RASGRP3: variants seen among roughly 807,000 people sequenced by gnomAD.
RASGRP3 encodes RAS guanyl releasing protein 3, also known as ras guanyl-releasing protein 3.
Under a neutral mutation model 82.7 loss-of-function variants are expected in RASGRP3, and 54 were observed. The observed-to-expected ratio is 0.65, with a 90% CI of 0.52 to 0.82. The LOEUF is 0.82. RASGRP3 is among the 40% of genes least tolerant of loss of function. The pLI is 0.00. For missense variants in RASGRP3, 861 were observed against 828.9 expected (o/e 1.04, Z -0.48); for synonymous variants, 309 against 300.5 (o/e 1.03, Z -0.29).
At chr2:33,532,296 C>T (rs1440004643) in intron 10 of RASGRP3, 2 of 152,240 alleles carry the variant, frequency 1.3e-5, no homozygotes, top group Non-Finnish European at 2.9e-5. Flanking sequence ...CAAGGTCCAA[C>T]GTTAGGCTGA....
In RASGRP3 at chr2:33,539,377, A is replaced by T. The variant is rs924212817; in HGVS notation, c.1278+167A>T. 1.6e-5 allele frequency: 9 copies of T among 570,912 alleles called. No individual in the cohort carries two copies. The African/African-American group carries it at 1.7e-4, about 11-fold the overall frequency. The allele number at this position is 570,912 out of a possible 1,614,324, so 35.4% of individuals were successfully genotyped here. Reference sequence around the variant, plus strand: ...CTACCAGGCATTGGGTCCTGGGGAGAGTCGATCAGAAAGGCCCTTTTCCCT... The same window carrying T: ...CTACCAGGCATTGGGTCCTGGGGAGTGTCGATCAGAAAGGCCCTTTTCCCT... On this transcript the variant is annotated intron_variant, in intron 12 of 17. Coordinates refer to ENST00000403687, the MANE Select transcript of RASGRP3 (RefSeq NM_001139488.2).
At position 33,522,017 on chromosome 2, in the gene RASGRP3, C is replaced by G; in HGVS notation, c.431C>G (p.Ala144Gly). 1 of 1,613,860 alleles carries G rather than the reference C, an allele frequency of 6.2e-7. No individual in the cohort carries two copies. The highest frequency in any genetic ancestry group is 8.5e-7 in the Non-Finnish European group (1 of 1,179,824). Residue 144 changes from alanine to glycine, a missense_variant, in exon 7 of 18, where the codon GCC (alanine) becomes GGC (glycine). Transcript: ENST00000403687. ...AAAAAAGTATCCAAGAAGGGAAAAG[C>G]CTGTCTGCTGTTTGACCATCTGGAG... ...QRKKVSKKGK[A>G]CLLFDHLEPI...
At chr2:33,463,676 GCAAC>G (rs1189211339) in intron 2 of RASGRP3, among the ~76,000 whole-genome samples, 1 of 142,736 alleles carries the variant, frequency 7.0e-6, no homozygotes, top group Non-Finnish European at 1.5e-5. Context: ...TTGGCTCACT[GCAAC>G]CTCTGCCTCC....
At chr2:33,531,357 G>C (rs1178139065) in intron 10 of RASGRP3, among the ~76,000 whole-genome samples, 1 of 152,236 alleles carries the variant, frequency 6.6e-6, no homozygotes, top group East Asian at 1.9e-4. Context: ...GCAGAAAGTA[G>C]AACAGATCAC....
intron 13 of RASGRP3, 46 bp from the exon 14 acceptor site, chr2:33,549,558 A>G (rs771139774): frequency 6.4e-7 from 1 of 1,567,418 alleles, no homozygotes; most frequent in African/African-American, 1.3e-5. Context: ...ACTACTTAGC[A>G]ACCTGTTATT....
chr2:33,457,956 T>G (rs534032543), intron 2 of RASGRP3: 1 of 152,334 alleles, frequency 6.6e-6, no homozygotes, highest in East Asian at 1.9e-4. Flanking sequence ...GCAATTTATA[T>G]TTTCACCTGG....
chr2:33,546,799 G>T (rs1440766254), intron 13 of RASGRP3, among the ~76,000 whole-genome samples: 1 of 152,110 alleles, frequency 6.6e-6, no homozygotes, highest in Non-Finnish European at 1.5e-5. Flanking sequence ...CAGGCACGGT[G>T]GCTCATGCCT....
intron 2 of RASGRP3, among the ~76,000 whole-genome samples, chr2:33,449,857 A>T (rs1428762418): frequency 6.6e-6 from 1 of 152,228 alleles, no homozygotes; most frequent in Non-Finnish European, 1.5e-5. Context: ...CATTTTAGTA[A>T]AGATAAGAAA....
intron 13 of RASGRP3, among the ~76,000 whole-genome samples, chr2:33,548,377 A>G (rs1157843355): frequency 6.7e-6 from 1 of 149,508 alleles, no homozygotes; most frequent in Admixed American, 6.6e-5. Context: ...AAAAAAAAAA[A>G]AAAAAAGAAG....
intron 1 of RASGRP3, among the ~76,000 whole-genome samples, chr2:33,507,753 T>C (rs1670528888): frequency 6.6e-6 from 1 of 152,128 alleles, no homozygotes; most frequent in Non-Finnish European, 1.5e-5. Flanking sequence ...CTCGAACTCC[T>C]GACCTCAAGT....
chr2:33,443,138 T>C (rs1341904639), intron 1 of RASGRP3, among the ~76,000 whole-genome samples: 1 of 152,218 alleles, frequency 6.6e-6, no homozygotes, highest in East Asian at 1.9e-4. Context: ...ATCTTAAAAG[T>C]GTTTCTTTCT....
intron 9 of RASGRP3, among the ~76,000 whole-genome samples, chr2:33,526,125 C>G (rs751154298): frequency 2.0e-4 from 31 of 152,182 alleles, no homozygotes; most frequent in Non-Finnish European, 4.3e-4. Flanking sequence ...CATCCCTGGA[C>G]CAATAACAGT....
At chr2:33,500,378 A>G (rs184115795) in intron 1 of RASGRP3, among the ~76,000 whole-genome samples, 1 of 152,284 alleles carries the variant, frequency 6.6e-6, no homozygotes, top group African/African-American at 2.4e-5. Flanking sequence ...CTGAGAACCA[A>G]TATAGAAGTC....
At position 33,440,205 on chromosome 2, in the gene RASGRP3, G is replaced by A. The variant is rs572418888; in HGVS notation, c.-385+3614G>A. 7.2e-5 allele frequency among the ~76,000 whole-genome samples: 11 copies of A among 152,298 alleles called. No homozygotes were observed. The South Asian group carries it at 2.3e-3, about 32-fold the overall frequency. ...CAGCTGAGAATGGAAAACAGCTTAG[G>A]AGGGAGGTGAGAACTGGAAATAAAA... On this transcript the variant is annotated intron_variant, in intron 1 of 18. Coordinates refer to the RASGRP3 transcript ENST00000402538.
intron 17 of RASGRP3, among the ~76,000 whole-genome samples, chr2:33,561,260 T>C (rs1676618548): frequency 6.6e-6 from 1 of 151,998 alleles, no homozygotes; most frequent in Non-Finnish European, 1.5e-5. Flanking sequence ...AGAGACAGGG[T>C]TTCACCATGC....
intron 1 of RASGRP3, among the ~76,000 whole-genome samples, chr2:33,479,526 G>T (rs193161065): frequency 2.0e-5 from 3 of 152,266 alleles, no homozygotes; most frequent in Admixed American, 6.5e-5. Context: ...TTGATGAATA[G>T]AAACCATGCA....
intron 2 of RASGRP3, among the ~76,000 whole-genome samples, chr2:33,465,420 G>A (rs1666638983): frequency 6.6e-6 from 1 of 152,212 alleles, no homozygotes; most frequent in Non-Finnish European, 1.5e-5. Context: ...CAAGGTGGAA[G>A]GCCGAAGAGG....
chr2:33,505,411 T>C (rs1337339874), intron 1 of RASGRP3, among the ~76,000 whole-genome samples: 1 of 151,880 alleles, frequency 6.6e-6, no homozygotes, highest in Non-Finnish European at 1.5e-5. Context: ...CAAGTGATTC[T>C]CCTGCCTCAG....
chr2:33,509,833 G>C (rs1350894768), intron 1 of RASGRP3, among the ~76,000 whole-genome samples: 1 of 152,148 alleles, frequency 6.6e-6, no homozygotes, highest in Non-Finnish European at 1.5e-5. Flanking sequence ...GTGTCTAGTA[G>C]ATCCTCAGTA....
Sources: gnomAD v4.1 joint callset for allele counts (sites outside exome capture counted in the v4.1 genomes callset) on GRCh38, gnomAD v4.1.1 for gene constraint, MANE v1.5 for transcripts, NCBI Gene and HGNC (gene_info 2026-07-23, HGNC 2026-07-21) for gene names.